Variants in TK1 observed in about 807,000 individuals in gnomAD.
TK1 encodes thymidine kinase, cytosolic.
In TK1, 13 loss-of-function variants were observed where a neutral mutation model predicts 22.4. The ratio of observed to expected loss-of-function variants is 0.58; its 90% CI spans 0.38 to 0.92. TK1 has a LOEUF of 0.92. Ranked by LOEUF, TK1 falls within the 40% of genes least tolerant of loss-of-function variation. The probability of loss-of-function intolerance (pLI) is 0.00; values close to 1 mark genes in which losing one functional copy is unlikely to be tolerated. For missense variants in TK1, 251 were observed against 315.7 expected (o/e 0.80, Z 1.55); for synonymous variants, 134 against 125.4 (o/e 1.07, Z -0.46).
At chr17:78,179,411 G>A (rs919769402) in intron 4 of TK1, 13 of 985,310 alleles carry the variant, frequency 1.3e-5, no homozygotes, top group Middle Eastern at 5.2e-4. Flanking sequence ...GCTCAGGGGC[G>A]CACCTCTGAA....
In TK1 at chr17:78,185,156, C is replaced by T; in HGVS notation, c.108G>A (p.Leu36=). 1 of 1,612,418 alleles carries T rather than the reference C, an allele frequency of 6.2e-7. No individual in the cohort carries two copies. Among genetic ancestry groups the T allele is most frequent in the South Asian group, 1.1e-5 (1 of 90,982 alleles). The change falls in exon 3 of 7, where the codon TTG becomes TTA. Residue 36 remains leucine, a synonymous_variant. Transcript: ENST00000301634. ...GPMFSGKSTE[L]MRRVRRFQIA... Reference sequence around the variant, plus strand: ...TCTGGAAGCGACGGACGCGTCTCATCAACTCTGTGCTGCAAGAGGAGAGAG... The same window carrying T: ...TCTGGAAGCGACGGACGCGTCTCATTAACTCTGTGCTGCAAGAGGAGAGAG...
At chr17:78,175,370 A>G (rs1296901218) in intron 5 of TK1, among the ~76,000 whole-genome samples, 159 bp downstream of exon 5, 2 of 151,936 alleles carry the variant, frequency 1.3e-5, no homozygotes, top group African/African-American at 2.4e-5. Flanking sequence ...CGCAGTCTGC[A>G]CAGACCATGG....
At chr17:78,182,904 G>A (rs1182596834) in intron 3 of TK1, among the ~76,000 whole-genome samples, 2 of 152,166 alleles carry the variant, frequency 1.3e-5, no homozygotes, top group East Asian at 3.8e-4. Context: ...TGTCACCCAG[G>A]CTGGAGTGCA....
chr17:78,183,167 G>A (rs1037724796), intron 3 of TK1, among the ~76,000 whole-genome samples: 4 of 152,138 alleles, frequency 2.6e-5, no homozygotes, highest in Admixed American at 2.6e-4. Flanking sequence ...CACTTCACTT[G>A]ATGCTTTGGA....
At chr17:78,175,722 G>T in intron 4 of TK1, 104 bp from the exon 5 acceptor site, 10 of 1,010,872 alleles carry the variant, frequency 9.9e-6, no homozygotes, top group Non-Finnish European at 1.5e-5. Context: ...CCGGCCATTT[G>T]GCCCGGAGTA....
intron 4 of TK1, among the ~76,000 whole-genome samples, chr17:78,178,738 G>A (rs570102228): frequency 3.3e-5 from 5 of 152,248 alleles, no homozygotes; most frequent in African/African-American, 4.8e-5. Flanking sequence ...TTCGCCTACC[G>A]GGTTCAAGCG....
At chr17:78,179,531 G>T in intron 4 of TK1, 1 of 985,436 alleles carries the variant, frequency 1.0e-6, no homozygotes, top group Non-Finnish European at 1.2e-6. Flanking sequence ...CAGATGCCCC[G>T]CACAGGGGAA....
rs145943167 is a variant in TK1 at position 78,180,267 on chromosome 17, G to A, written c.303+2322C>T. ...ACAGCCAGCCAGGGCGACCTAAGCC[G>A]CCTCGTGGGCGGCCTCCCCATCAAC... On this transcript the variant is annotated intron_variant, in intron 4 of 6. Coordinates refer to ENST00000301634, the MANE Select transcript of TK1 (RefSeq NM_003258.5). 8.4e-4 allele frequency among the ~76,000 whole-genome samples: 128 copies of A among 152,318 alleles called. 1 individual carries two copies. The highest frequency in any genetic ancestry group is 1.8e-3 in the Non-Finnish European group (121 of 68,020).
At chr17:78,182,496 T>TA (rs1302040874) in intron 4 of TK1, 93 bp downstream of exon 4, 1 of 993,952 alleles carries the variant, frequency 1.0e-6, no homozygotes, top group East Asian at 2.7e-5. Flanking sequence ...GTTATTTTAC[T>TA]AAAAGATCAG....
chr17:78,186,685 AAGGGG>A (rs748360300), intron 2 of TK1, 97 bp downstream of exon 2: 228,380 of 843,138 alleles, frequency 0.27, 32,369 homozygotes, highest in Non-Finnish European at 0.29. Flanking sequence ...GAGGGAAGGG[AAGGGG>A]AGGGGAGGGG....
chr17:78,178,481 G>C (rs1446873504), intron 4 of TK1, among the ~76,000 whole-genome samples: 1 of 152,170 alleles, frequency 6.6e-6, no homozygotes, highest in Non-Finnish European at 1.5e-5. Context: ...GGCTTTCCCT[G>C]CTGACCCAGA....
intron 4 of TK1, chr17:78,179,240 A>T (rs1567832080): frequency 1.0e-6 from 1 of 985,320 alleles, no homozygotes; most frequent in South Asian, 4.7e-5. Context: ...CATGTCCCCA[A>T]AGCTGATGCA....
At chr17:78,177,095 C>G (rs1469704171) in intron 4 of TK1, among the ~76,000 whole-genome samples, 2 of 152,188 alleles carry the variant, frequency 1.3e-5, no homozygotes, top group African/African-American at 2.4e-5. Context: ...TTGGTTCTTG[C>G]ACCCGGCACT....
At chr17:78,184,802 T>C (rs2075768817) in intron 3 of TK1, among the ~76,000 whole-genome samples, 1 of 152,026 alleles carries the variant, frequency 6.6e-6, no homozygotes, top group Admixed American at 6.6e-5. Flanking sequence ...CCCCCTCCAG[T>C]TGCAACAACT....
rs1467550574 is a variant in TK1, at chr17:78,179,646, C to G, written c.303+2943G>C. On this transcript the variant is annotated intron_variant, in intron 4 of 6. Coordinates refer to ENST00000301634, the MANE Select transcript of TK1 (RefSeq NM_003258.5). ...AGGCAGGACTGGCCTTTTGAGGGGA[C>G]AGGCCCTGTGACGTCCGGGCAGGGT... 12 of 985,340 alleles carry G rather than the reference C, an allele frequency of 1.2e-5. No individual in the cohort carries two copies. In the Admixed American group the frequency reaches 7.4e-4, roughly 61 times the overall value. 61.0% of individuals were successfully genotyped at this position (985,340 alleles called of 1,614,324 possible).
intron 3 of TK1, among the ~76,000 whole-genome samples, chr17:78,183,445 T>A (rs1269163751): frequency 7.2e-5 from 11 of 152,158 alleles, no homozygotes; most frequent in Non-Finnish European, 4.4e-5. Context: ...ATGCCCGTAA[T>A]CTTTGGGGAG....
chr17:78,185,942 A>C (rs191537168), intron 2 of TK1, among the ~76,000 whole-genome samples: 1 of 152,262 alleles, frequency 6.6e-6, no homozygotes, highest in Non-Finnish European at 1.5e-5. Context: ...AAGGGGTTTG[A>C]GCTGAAGTGA....
At chr17:78,184,393 T>C (rs1567834767) in intron 3 of TK1, among the ~76,000 whole-genome samples, 1 of 152,082 alleles carries the variant, frequency 6.6e-6, no homozygotes, top group Non-Finnish European at 1.5e-5. Context: ...GGTGGACAAG[T>C]CCAGAGGACC....
intron 4 of TK1, among the ~76,000 whole-genome samples, chr17:78,180,400 G>A (rs769088907): frequency 5.9e-5 from 9 of 152,170 alleles, no homozygotes; most frequent in Non-Finnish European, 1.2e-4. Flanking sequence ...GTACCTAAGA[G>A]GTCAAGTCTG....
Sources: gnomAD v4.1 joint callset for allele counts (sites outside exome capture counted in the v4.1 genomes callset) on GRCh38, gnomAD v4.1.1 for gene constraint, MANE v1.5 for transcripts, NCBI Gene and HGNC (gene_info 2026-07-23, HGNC 2026-07-21) for gene names.